The following COL4A1 variants were observed in gnomAD, a reference collection of about 807,000 sequenced individuals.
COL4A1 encodes the protein collagen type IV alpha 1 chain, also known as collagen alpha-1(IV) chain.
Under a neutral mutation model 216.6 loss-of-function variants are expected in COL4A1, and 40 were observed. That is an observed-to-expected ratio of 0.18 (90% CI 0.14 to 0.24). The LOEUF (loss-of-function observed/expected upper bound fraction) is 0.24. COL4A1 is among the 10% of genes least tolerant of loss of function. The pLI, the probability that COL4A1 is intolerant of heterozygous loss-of-function variation, is 1.00. For synonymous variants in COL4A1, 839 were observed against 810.7 expected (o/e 1.03, Z -0.59); for missense variants, 1,628 against 2,196.8 (o/e 0.74, Z 5.18).
intron 1 of COL4A1, among the ~76,000 whole-genome samples, chr13:110,290,539 G>A (rs1884042657): frequency 1.3e-5 from 2 of 151,918 alleles, no homozygotes; most frequent in African/African-American, 4.8e-5. Flanking sequence ...CCTTCCCTTT[G>A]GACTCTAGCT....
At chr13:110,191,994 G>A (rs1397574465) in intron 24 of COL4A1, among the ~76,000 whole-genome samples, 1 of 152,208 alleles carries the variant, frequency 6.6e-6, no homozygotes, top group Admixed American at 6.5e-5. Context: ...GACCAGGTGA[G>A]AAGAAAGGCA....
chr13:110,185,866 C>T (rs2139172609), intron 26 of COL4A1, among the ~76,000 whole-genome samples: 1 of 152,322 alleles, frequency 6.6e-6, no homozygotes. Flanking sequence ...CATGTGTTGT[C>T]AATGCTCAGC....
chr13:110,153,379 C>G (rs1876604997), intron 50 of COL4A1, among the ~76,000 whole-genome samples: 1 of 152,194 alleles, frequency 6.6e-6, no homozygotes, highest in Admixed American at 6.5e-5. Flanking sequence ...TCTAGAACGT[C>G]ACTATTTTCG....
chr13:110,171,875 A>G (rs1877658884), intron 41 of COL4A1, among the ~76,000 whole-genome samples: 1 of 152,190 alleles, frequency 6.6e-6, no homozygotes, highest in Non-Finnish European at 1.5e-5. Flanking sequence ...GAGTTAAGGG[A>G]GAGGGAAGTG....
rs1198490512 is a variant in COL4A1, at chr13:110,200,893, A to T, written c.1085-4T>A. Reference sequence around the variant, plus strand: ...TGGCCTGGTAGTCCTGGGAAACCTGAAAAGAGAAAGAGAGTGTTGGATCAA... The same window carrying T: ...TGGCCTGGTAGTCCTGGGAAACCTGTAAAGAGAAAGAGAGTGTTGGATCAA... On this transcript the variant is annotated splice_region_variant and splice_polypyrimidine_tract_variant and intron_variant, in intron 19 of 51. Transcript: ENST00000375820. 6.2e-7 allele frequency: 1 copy of T among 1,614,156 alleles called. No individual in the cohort carries two copies. Among genetic ancestry groups the T allele is most frequent in the Non-Finnish European group, 8.5e-7 (1 of 1,179,984 alleles).
At chr13:110,210,379 A>G (rs1013558117) in intron 8 of COL4A1, among the ~76,000 whole-genome samples, 167 bp from the exon 9 acceptor site, 1 of 152,112 alleles carries the variant, frequency 6.6e-6, no homozygotes, top group Non-Finnish European at 1.5e-5. Context: ...CTCTCCCATC[A>G]TGATTGCCGT....
intron 20 of COL4A1, 38 bp from the exon 21 acceptor site, chr13:110,198,669 G>A: frequency 6.2e-7 from 1 of 1,612,754 alleles, no homozygotes; most frequent in Non-Finnish European, 8.5e-7. Flanking sequence ...TAACCTCAGG[G>A]CCACTTAGCA....
At chr13:110,274,390 T>C (rs1007671226) in intron 1 of COL4A1, among the ~76,000 whole-genome samples, 9 of 152,220 alleles carry the variant, frequency 5.9e-5, no homozygotes, top group South Asian at 2.1e-4. Flanking sequence ...CTGATGCACG[T>C]ATAATTCAAA....
chr13:110,155,277 A>G lies in COL4A1; in HGVS notation c.4755+6T>C, dbSNP rs768345784. 4 of 1,606,872 alleles carry G rather than the reference A, an allele frequency of 2.5e-6. No homozygotes were observed. The highest frequency in any genetic ancestry group is 3.4e-6 in the Non-Finnish European group (4 of 1,173,394). On this transcript the variant is annotated splice_donor_region_variant and intron_variant, in intron 50 of 51. Transcript: ENST00000375820. Reference sequence around the variant, plus strand: ...CGGGAAATATGGCGTCTCCCCAGACACTTACCATCACAAAAGAGTAGCCGA... The same window carrying G: ...CGGGAAATATGGCGTCTCCCCAGACGCTTACCATCACAAAAGAGTAGCCGA...
At chr13:110,260,824 C>T (rs1186957548) in intron 1 of COL4A1, among the ~76,000 whole-genome samples, 1 of 151,952 alleles carries the variant, frequency 6.6e-6, no homozygotes, top group African/African-American at 2.4e-5. Flanking sequence ...CCGAGGCAGG[C>T]AGATCACGAG....
At chr13:110,162,543 CCA>C in intron 47 of COL4A1, 101 bp from the exon 48 acceptor site, 1 of 924,100 alleles carries the variant, frequency 1.1e-6, no homozygotes, top group South Asian at 1.4e-5. Context: ...TTTTATATTT[CCA>C]CAAAGTATCC....
rs1303314525 is a variant in COL4A1, at chr13:110,163,352, T to C, written c.4249+111A>G. ...TAAGAAACAGACTTCTTCGGAAATC[T>C]GTCAAGTGATATATCCAACTTCATT... On this transcript the variant is annotated intron_variant, in intron 47 of 51. Coordinates refer to ENST00000375820, the MANE Select transcript of COL4A1 (RefSeq NM_001845.6). The C allele has an allele frequency of 4.6e-6, 4 of 866,648 alleles. No homozygotes were observed. In the African/African-American group the frequency reaches 6.6e-5, roughly 14 times the overall value. The allele number at this position is 866,648 out of a possible 1,614,324, so 53.7% of individuals were successfully genotyped here. A position where few individuals can be genotyped will look rare whatever the true frequency, so the allele number is the denominator to read the frequency against.
intron 1 of COL4A1, among the ~76,000 whole-genome samples, chr13:110,270,837 C>T (rs948336001): frequency 6.6e-6 from 1 of 152,084 alleles, no homozygotes; most frequent in Non-Finnish European, 1.5e-5. Context: ...TGCCTAGCCC[C>T]CCTAACTTAG....
intron 12 of COL4A1, among the ~76,000 whole-genome samples, chr13:110,208,431 T>A (rs1371928857): frequency 6.6e-6 from 1 of 152,042 alleles, no homozygotes; most frequent in Non-Finnish European, 1.5e-5. Context: ...AGGCCGGTGG[T>A]GAGGGGCCGC....
At position 110,192,518 on chromosome 13, in the gene COL4A1, C is replaced by G. The variant is rs549479296; in HGVS notation, c.1466-234G>C. Among the ~76,000 whole-genome samples the G allele has an allele frequency of 2.0e-5, 3 of 152,278 alleles. No homozygotes were observed. The East Asian group carries it at 5.8e-4, about 29-fold the overall frequency. ...GCTTCCAGCACCCCACACCTGCCCC[C>G]CTGCCCACACACCCAGGGACCACTT... On this transcript the variant is annotated intron_variant, in intron 23 of 51. Transcript: ENST00000375820.
chr13:110,178,288 T>C (rs1877979144), intron 31 of COL4A1, 57 bp from the exon 32 acceptor site: 3 of 1,604,988 alleles, frequency 1.9e-6, no homozygotes, highest in Non-Finnish European at 2.6e-6. Context: ...TGATCTACAA[T>C]GTACAGTGCT....
intron 18 of COL4A1, among the ~76,000 whole-genome samples, chr13:110,201,972 A>G (rs1202012554): frequency 6.6e-6 from 1 of 152,144 alleles, no homozygotes; most frequent in Non-Finnish European, 1.5e-5. Context: ...ACGGAGTGAG[A>G]CTCTGTCTCA....
At chr13:110,295,275 T>C (rs1884229049) in intron 1 of COL4A1, among the ~76,000 whole-genome samples, 1 of 144,140 alleles carries the variant, frequency 6.9e-6, no homozygotes, top group Non-Finnish European at 1.5e-5. Context: ...TTTTTTTTTT[T>C]TGAGACGGAG....
At chr13:110,240,266 T>C (rs1008454120) in intron 2 of COL4A1, among the ~76,000 whole-genome samples, 1 of 147,636 alleles carries the variant, frequency 6.8e-6, no homozygotes, top group Non-Finnish European at 1.5e-5. Flanking sequence ...GAAACAGGAG[T>C]GTAGAGGAGC....
Sources: allele counts gnomAD v4.1 joint callset (sites outside exome capture counted in the v4.1 genomes callset), GRCh38; gene constraint gnomAD v4.1.1; transcripts MANE v1.5; gene names NCBI Gene and HGNC (gene_info 2026-07-23, HGNC 2026-07-21).